Variants in MYLK observed in about 807,000 individuals in gnomAD.
MYLK encodes myosin light chain kinase.
MYLK carries 106 observed loss-of-function variants against 203.4 expected under a neutral mutation model. The ratio of observed to expected loss-of-function variants is 0.52; its 90% CI spans 0.45 to 0.61. The LOEUF (loss-of-function observed/expected upper bound fraction) is 0.61. Ranked by LOEUF, MYLK falls within the 20% of genes least tolerant of loss-of-function variation. MYLK has a pLI of 0.00. For synonymous variants in MYLK, 867 were observed against 959.5 expected, an observed-to-expected ratio of 0.90 and a Z score of 1.78; for missense variants, 2,072 against 2,442.3, an observed-to-expected ratio of 0.85 and a Z score of 3.20.
chr3:123,758,048 T>C (rs1237702125), intron 4 of MYLK, among the ~76,000 whole-genome samples: 1 of 149,564 alleles, frequency 6.7e-6, no homozygotes, highest in Non-Finnish European at 1.5e-5. Flanking sequence ...TGGACGTGGT[T>C]GCACAAAAAA....
At chr3:123,869,349 T>C (rs763101601) in intron 2 of MYLK, among the ~76,000 whole-genome samples, 1 of 152,104 alleles carries the variant, frequency 6.6e-6, no homozygotes, top group Non-Finnish European at 1.5e-5. Context: ...AATTTTCCCA[T>C]TAAATCCAAG....
At chr3:123,873,588 G>T (rs2032947464) in intron 2 of MYLK, among the ~76,000 whole-genome samples, 1 of 152,058 alleles carries the variant, frequency 6.6e-6, no homozygotes, top group Non-Finnish European at 1.5e-5. Flanking sequence ...AGTCAGTTTA[G>T]AAAAGTCAAA....
chr3:123,692,537 C>G, intron 19 of MYLK, 198 bp downstream of exon 19: 2 of 763,792 alleles, frequency 2.6e-6, no homozygotes, highest in South Asian at 1.6e-5. Flanking sequence ...TGTAGGTGAT[C>G]AAGTAGAGCT....
At chr3:123,711,690 G>A (rs2061700425) in intron 13 of MYLK, among the ~76,000 whole-genome samples, 1 of 152,152 alleles carries the variant, frequency 6.6e-6, no homozygotes, top group Admixed American at 6.5e-5. Context: ...AGCAATTTTT[G>A]TTTTTGTTTT....
At chr3:123,777,868 G>A (rs1261555515) in intron 4 of MYLK, among the ~76,000 whole-genome samples, 6 of 152,160 alleles carry the variant, frequency 3.9e-5, no homozygotes, top group Non-Finnish European at 7.3e-5. Flanking sequence ...CCACTAGTTA[G>A]GCCTTTGACT....
chr3:123,854,629 A>G (rs983033084), intron 2 of MYLK, among the ~76,000 whole-genome samples: 1 of 152,172 alleles, frequency 6.6e-6, no homozygotes, highest in African/African-American at 2.4e-5. Flanking sequence ...CAAGGGCTGA[A>G]AAACCTCCTA....
Position 123,713,593 on chromosome 3 carries a change from G to A in MYLK, c.1805-3700C>T, listed in dbSNP as rs1484457497. Among the ~76,000 whole-genome samples, 12 of 14,772 alleles carry A rather than the reference G, an allele frequency of 8.1e-4. No homozygotes were observed. In the South Asian group the frequency reaches 0.022, roughly 27 times the overall value. The allele number at this position is 14,772 out of a possible 152,430, so 9.7% of individuals were successfully genotyped here. A position where few individuals can be genotyped will look rare whatever the true frequency, so the allele number is the denominator to read the frequency against. ...AGAGCAACACAATGTGTGTGTGTGTGTGTGTGTGTGTGTGTGTGTGTGTGT... is the reference window on the plus strand; with the variant it reads ...AGAGCAACACAATGTGTGTGTGTGTATGTGTGTGTGTGTGTGTGTGTGTGT... On this transcript the variant is annotated intron_variant, in intron 13 of 33. Coordinates refer to ENST00000360304, the MANE Select transcript of MYLK (RefSeq NM_053025.4).
intron 16 of MYLK, among the ~76,000 whole-genome samples, chr3:123,704,550 C>A (rs2061375197): frequency 6.6e-6 from 1 of 152,106 alleles, no homozygotes; most frequent in Non-Finnish European, 1.5e-5. Context: ...AGCCTTGGAT[C>A]CTGTCCCACC....
intron 2 of MYLK, among the ~76,000 whole-genome samples, chr3:123,849,678 A>G (rs565029566): frequency 6.6e-5 from 10 of 152,332 alleles, no homozygotes; most frequent in African/African-American, 2.4e-4. Context: ...GTTGAGACAG[A>G]ACAACTGGTG....
rs1009875590 is a variant in MYLK at position 123,629,388 on chromosome 3, C to T, written c.5114+86G>A. The T allele has an allele frequency of 1.9e-6, 3 of 1,548,630 alleles. No individual in the cohort carries two copies. Among genetic ancestry groups the T allele is most frequent in the African/African-American group, 1.4e-5 (1 of 73,660 alleles). On this transcript the variant is annotated intron_variant, in intron 30 of 33. Transcript: ENST00000360304. The surrounding 1 kb of genome is among the most constrained non-coding windows in gnomAD (Gnocchi z 4.4). ...ACCCAAGGCGGGGTGGCAAGGAGGG[C>T]ACCCCAACAGGCAAAGGAATCCCCC...
chr3:123,739,095 G>C (rs970161534), intron 6 of MYLK, 33 bp from the exon 7 acceptor site: 1 of 1,610,716 alleles, frequency 6.2e-7, no homozygotes, highest in African/African-American at 1.3e-5. Context: ...TCCAGTCCCA[G>C]ACAAGGCAGC....
intron 6 of MYLK, among the ~76,000 whole-genome samples, chr3:123,739,609 A>G (rs1486743119): frequency 6.6e-6 from 1 of 152,226 alleles, no homozygotes; most frequent in Non-Finnish European, 1.5e-5. Flanking sequence ...GGGTTGAGCC[A>G]CTGTGATTTG....
intron 24 of MYLK, among the ~76,000 whole-genome samples, chr3:123,652,912 C>T (rs140348476): frequency 3.7e-4 from 56 of 152,176 alleles, no homozygotes; most frequent in African/African-American, 1.2e-3. Context: ...TGGAGCTCCA[C>T]GGGGAACCCA....
intron 15 of MYLK, 113 bp downstream of exon 15, chr3:123,708,585 A>G: frequency 8.5e-7 from 1 of 1,181,770 alleles, no homozygotes; most frequent in Non-Finnish European, 1.2e-6. Flanking sequence ...GAGGGACGAG[A>G]GGGCCCTCAG....
intron 2 of MYLK, among the ~76,000 whole-genome samples, chr3:123,848,013 GAGA>G (rs2030240437): frequency 6.6e-6 from 1 of 151,886 alleles, no homozygotes; most frequent in Non-Finnish European, 1.5e-5. Context: ...ATATTTTTGG[GAGA>G]AGAAGTCTCT....
chr3:123,633,780 G>A (rs1262343852), intron 29 of MYLK, among the ~76,000 whole-genome samples: 2 of 152,352 alleles, frequency 1.3e-5, no homozygotes, highest in East Asian at 3.9e-4. Flanking sequence ...TGTGGGGGCA[G>A]AAGGTTAGGA....
intron 4 of MYLK, among the ~76,000 whole-genome samples, chr3:123,790,226 A>G (rs904578003): frequency 6.6e-6 from 1 of 152,238 alleles, no homozygotes; most frequent in Non-Finnish European, 1.5e-5. Context: ...GTGAAATATG[A>G]GAGCACCAGT....
chr3:123,616,862 T>G (rs1297092286), intron 33 of MYLK: 3 of 152,196 alleles, frequency 2.0e-5, no homozygotes, highest in African/African-American at 7.2e-5. Context: ...CCAAGCCAAA[T>G]AAGCTTCTTT....
At chr3:123,615,409 C>A (rs1576291003) in intron 33 of MYLK, among the ~76,000 whole-genome samples, 1 of 151,834 alleles carries the variant, frequency 6.6e-6, no homozygotes, top group East Asian at 1.9e-4. Context: ...TCTTGGCTCA[C>A]TGTAACCTCC....
Sources: allele counts gnomAD v4.1 joint callset (sites outside exome capture counted in the v4.1 genomes callset), GRCh38; gene constraint gnomAD v4.1.1; non-coding constraint Gnocchi (gnomAD v3.1); transcripts MANE v1.5; gene names NCBI Gene and HGNC (gene_info 2026-07-23, HGNC 2026-07-21).